The following FLRT1 variants were observed in gnomAD, a reference collection of about 807,000 sequenced individuals.
FLRT1 encodes the protein fibronectin leucine rich transmembrane protein 1.
FLRT1 carries 14 observed loss-of-function variants against 30.9 expected under a neutral mutation model. The ratio of observed to expected loss-of-function variants is 0.45; its 90% CI spans 0.30 to 0.71. The LOEUF (loss-of-function observed/expected upper bound fraction) is 0.71. Ranked by LOEUF, FLRT1 falls within the 30% of genes least tolerant of loss-of-function variation. The pLI is 0.08. For missense variants in FLRT1, 737 were observed against 949.2 expected (o/e 0.78, Z 2.94); for synonymous variants, 368 against 430.4 (o/e 0.85, Z 1.80).
rs1161218440 is a variant in FLRT1, at chr11:64,082,384, A to T, written c.-1037-20810A>T. Among the ~76,000 whole-genome samples the T allele has an allele frequency of 1.3e-5, 2 of 151,566 alleles. No homozygotes were observed. Among genetic ancestry groups the T allele is most frequent in the African/African-American group, 4.9e-5 (2 of 41,204 alleles). On this transcript the variant is annotated intron_variant, in intron 1 of 2. Coordinates refer to ENST00000682287, the MANE Select transcript of FLRT1 (RefSeq NM_013280.5). This position sits in a 1 kb window ranked among gnomAD's most constrained non-coding sequence, Gnocchi z 4.5. ...GCCAGGAGCATGGCTGGAGTGATTG[A>T]TGGCTGGGAGGGAGCCTGAAGTGGG... is the stretch of plus-strand genomic sequence containing the variant.
intron 1 of FLRT1, among the ~76,000 whole-genome samples, chr11:64,080,511 G>A (rs762146649): frequency 1.2e-4 from 19 of 152,188 alleles, no homozygotes; most frequent in African/African-American, 1.9e-4. Flanking sequence ...TTTATCATTT[G>A]TAAAGTAGGG....
chr11:64,112,348 A>G (rs1465909277), intron 2 of FLRT1, among the ~76,000 whole-genome samples: 1 of 152,102 alleles, frequency 6.6e-6, no homozygotes, highest in Non-Finnish European at 1.5e-5. Context: ...CCCCGTCTCT[A>G]CTAAAAATAC....
intron 2 of FLRT1, among the ~76,000 whole-genome samples, chr11:64,106,201 G>A (rs12418845): frequency 0.042 from 6,324 of 152,252 alleles, 181 homozygotes; most frequent in Non-Finnish European, 0.066. Context: ...TGAGGCCTGG[G>A]TTTGTGGCCA....
rs1943964665 is a variant in FLRT1 at position 64,064,702 on chromosome 11, T to C, written c.-1038+28543T>C. Among the ~76,000 whole-genome samples, 1 of 143,808 alleles carries C rather than the reference T, an allele frequency of 7.0e-6. No individual in the cohort carries two copies. The highest frequency in any genetic ancestry group is 1.5e-5 in the Non-Finnish European group (1 of 64,784). The allele number at this position is 143,808 out of a possible 152,430, so 94.3% of individuals were successfully genotyped here. A position where few individuals can be genotyped will look rare whatever the true frequency, so the allele number is the denominator to read the frequency against. On this transcript the variant is annotated intron_variant, in intron 1 of 2. Transcript: ENST00000682287. The surrounding 1 kb of genome is among the most constrained non-coding windows in gnomAD (Gnocchi z 4.5). ...GAGATAGAAGGAGGGGGGCCCTCCC[T>C]GAGTTCTCCTCTCCCCTCCCTGCCA...
intron 1 of FLRT1, among the ~76,000 whole-genome samples, chr11:64,042,713 G>T (rs1393359226): frequency 6.6e-6 from 1 of 152,188 alleles, no homozygotes; most frequent in African/African-American, 2.4e-5. Context: ...TCACAGTGGG[G>T]TGCTTCATGC....
chr11:64,057,145 G>A (rs1175695168), intron 1 of FLRT1, among the ~76,000 whole-genome samples: 1 of 152,220 alleles, frequency 6.6e-6, no homozygotes, highest in Admixed American at 6.5e-5. Flanking sequence ...CTGGACCCGG[G>A]TGCCCCTGTG....
At chr11:64,098,404 C>T (rs617856) in intron 1 of FLRT1, among the ~76,000 whole-genome samples, 26,797 of 152,172 alleles carry the variant, frequency 0.18, 2,928 homozygotes, top group Non-Finnish European at 0.24. Flanking sequence ...ATGTTCTTCC[C>T]GTCCCACTCC....
intron 1 of FLRT1, among the ~76,000 whole-genome samples, chr11:64,068,085 C>T (rs1175976152): frequency 1.3e-5 from 2 of 152,254 alleles, no homozygotes; most frequent in Admixed American, 6.5e-5. Flanking sequence ...AAACCGGAGC[C>T]GGGCGAAGTT....
intron 1 of FLRT1, among the ~76,000 whole-genome samples, chr11:64,075,202 C>T (rs1944179507): frequency 6.6e-6 from 1 of 152,240 alleles, no homozygotes; most frequent in Admixed American, 6.5e-5. Flanking sequence ...GAGCCTGGAC[C>T]ATTCTGATCC....
intron 2 of FLRT1, among the ~76,000 whole-genome samples, chr11:64,109,121 G>T (rs964141462): frequency 6.6e-6 from 1 of 152,172 alleles, no homozygotes; most frequent in Non-Finnish European, 1.5e-5. Flanking sequence ...GGTGAAAGAG[G>T]AGACGTGGGA....
At chr11:64,114,229 T>C (rs1157215603) in intron 2 of FLRT1, among the ~76,000 whole-genome samples, 3 of 149,424 alleles carry the variant, frequency 2.0e-5, no homozygotes, top group Non-Finnish European at 3.0e-5. Context: ...AATGGACAGA[T>C]GGATGCATGG....
chr11:64,093,973 C>T (rs756205494), intron 1 of FLRT1, among the ~76,000 whole-genome samples: 6 of 152,220 alleles, frequency 3.9e-5, no homozygotes, highest in Non-Finnish European at 7.3e-5. Context: ...ATAGAAAGCA[C>T]GGTGCCAGGG....
chr11:64,116,914 A>G lies in FLRT1; in HGVS notation c.647A>G (p.His216Arg). 6.2e-7 allele frequency: 1 copy of G among 1,611,524 alleles called. No homozygotes were observed. Among genetic ancestry groups the G allele is most frequent in the South Asian group, 1.1e-5 (1 of 91,086 alleles). The change falls in exon 3 of 3, where the codon CAT becomes CGT. Residue 216 changes from histidine to arginine, a missense_variant. By Grantham distance (29) the His-to-Arg change is conservative. Transcript: ENST00000682287. ...AACCGCATCTCCACCATCCCGCTGC[A>G]TGCCTTCAAGGGCCTCAACAGCCTG... ...DDNRISTIPL[H>R]AFKGLNSLRR...
intron 1 of FLRT1, among the ~76,000 whole-genome samples, chr11:64,095,227 C>T (rs1007985249): frequency 1.3e-5 from 2 of 152,174 alleles, no homozygotes; most frequent in Non-Finnish European, 2.9e-5. Flanking sequence ...TTCCCCCATT[C>T]CTCCCAATTC....
At position 64,064,157 on chromosome 11, in the gene FLRT1, CTT is replaced by C. The variant is rs1348331381; in HGVS notation, c.-1038+27999_-1038+28000del. 6.6e-6 allele frequency among the ~76,000 whole-genome samples: 1 copy of C among 152,202 alleles called. No homozygotes were observed. Among genetic ancestry groups the C allele is most frequent in the Non-Finnish European group, 1.5e-5 (1 of 68,036 alleles). On this transcript the variant is annotated intron_variant, in intron 1 of 2. Coordinates refer to ENST00000682287, the MANE Select transcript of FLRT1 (RefSeq NM_013280.5). The surrounding 1 kb of genome is among the most constrained non-coding windows in gnomAD (Gnocchi z 4.5). Reference sequence around the variant, plus strand: ...CTCTCCCTTTCAGCATCTTCTCTCTCTTGTCTTCTGAGGACAGATGCAGGCTG... The same window carrying C: ...CTCTCCCTTTCAGCATCTTCTCTCTCGTCTTCTGAGGACAGATGCAGGCTG...
intron 1 of FLRT1, among the ~76,000 whole-genome samples, chr11:64,088,510 G>A (rs1016928098): frequency 6.6e-6 from 1 of 152,204 alleles, no homozygotes; most frequent in Non-Finnish European, 1.5e-5. Flanking sequence ...TCCTCACCAG[G>A]ACGGCAGAGG....
At chr11:64,114,665 G>GGATA (rs1283299845) in intron 2 of FLRT1, among the ~76,000 whole-genome samples, 14 of 151,576 alleles carry the variant, frequency 9.2e-5, no homozygotes, top group Admixed American at 9.2e-4. Flanking sequence ...ATGGACAGGT[G>GGATA]GATAGATGGA....
intron 1 of FLRT1, among the ~76,000 whole-genome samples, chr11:64,085,244 C>T (rs10897473): frequency 0.28 from 43,215 of 152,046 alleles, 6,828 homozygotes; most frequent in East Asian, 0.43. Flanking sequence ...TGGAGAGCAG[C>T]GCTGTCCCTG....
chr11:64,103,158 G>A (rs1485696410), intron 1 of FLRT1, 36 bp from the exon 2 acceptor site: 1 of 152,232 alleles, frequency 6.6e-6, no homozygotes, highest in Non-Finnish European at 1.5e-5. Context: ...GGTCCCTCAT[G>A]TCTCTGGGCT....
Sources: allele counts gnomAD v4.1 joint callset (sites outside exome capture counted in the v4.1 genomes callset), GRCh38; gene constraint gnomAD v4.1.1; non-coding constraint Gnocchi (gnomAD v3.1); transcripts MANE v1.5; gene names NCBI Gene and HGNC (gene_info 2026-07-23, HGNC 2026-07-21).